Variants in DOCK9 observed in about 807,000 individuals in gnomAD.
DOCK9 encodes dedicator of cytokinesis 9.
DOCK9 carries 89 observed loss-of-function variants against 263.3 expected under a neutral mutation model. The ratio of observed to expected loss-of-function variants is 0.34; its 90% CI spans 0.28 to 0.40. The LOEUF is 0.40. Among genes scored for constraint, DOCK9 ranks in the 10% least tolerant of loss-of-function variants. DOCK9 has a pLI of 1.00. For synonymous variants in DOCK9, 976 were observed against 973.1 expected, an observed-to-expected ratio of 1.00 and a Z score of -0.06; for missense variants, 2,140 against 2,603.4, an observed-to-expected ratio of 0.82 and a Z score of 3.87.
chr13:98,946,250 G>A (rs1336425855), intron 2 of DOCK9, among the ~76,000 whole-genome samples: 4 of 152,162 alleles, frequency 2.6e-5, no homozygotes, highest in Non-Finnish European at 5.9e-5. Flanking sequence ...TGTTAGGACA[G>A]ACTGGAAGAG....
At chr13:98,855,638 C>T (rs140102110) in intron 34 of DOCK9, among the ~76,000 whole-genome samples, 53 of 152,160 alleles carry the variant, frequency 3.5e-4, no homozygotes, top group Admixed American at 9.2e-4. Context: ...AGTCCCTCCC[C>T]GTTCAACCCA....
intron 38 of DOCK9, among the ~76,000 whole-genome samples, chr13:98,844,865 A>G (rs2141322172): frequency 6.6e-6 from 1 of 152,362 alleles, no homozygotes; most frequent in Admixed American, 6.5e-5. Flanking sequence ...GTGAAAAATC[A>G]CAGCGAATGG....
At position 99,037,007 on chromosome 13, in the gene DOCK9, T is replaced by A. The variant is rs1302434365; in HGVS notation, c.129+49216A>T. Among the ~76,000 whole-genome samples the A allele has an allele frequency of 2.0e-5, 3 of 152,206 alleles. No homozygotes were observed. In the East Asian group the frequency reaches 5.8e-4, roughly 29 times the overall value. On this transcript the variant is annotated intron_variant, in intron 1 of 32. Transcript: ENST00000427887. Reference sequence around the variant, plus strand: ...GAATAAGATACAGTTTCTGCCCTCATAGAGCTCAGACTCTGATGGATTTTT... The same window carrying A: ...GAATAAGATACAGTTTCTGCCCTCAAAGAGCTCAGACTCTGATGGATTTTT...
At chr13:98,939,071 G>A (rs1167985319) in intron 2 of DOCK9, among the ~76,000 whole-genome samples, 2 of 152,354 alleles carry the variant, frequency 1.3e-5, no homozygotes, top group South Asian at 2.1e-4. Flanking sequence ...GGAAGAGATG[G>A]GGAGTACCCA....
At chr13:98,933,101 CT>C (rs2054227914) in intron 2 of DOCK9, among the ~76,000 whole-genome samples, 2 of 152,188 alleles carry the variant, frequency 1.3e-5, no homozygotes, top group Non-Finnish European at 2.9e-5. Flanking sequence ...TTATCTGGGT[CT>C]TTCAAGATTT....
intron 34 of DOCK9, among the ~76,000 whole-genome samples, chr13:98,855,201 TA>T (rs1284681621): frequency 6.6e-6 from 1 of 152,212 alleles, no homozygotes; most frequent in Non-Finnish European, 1.5e-5. Context: ...TATGATCAAT[TA>T]TTCTCTGGAG....
intron 1 of DOCK9, among the ~76,000 whole-genome samples, chr13:99,005,224 A>G (rs1346551706): frequency 6.6e-6 from 1 of 152,250 alleles, no homozygotes; most frequent in Non-Finnish European, 1.5e-5. Flanking sequence ...AAACAAACCT[A>G]CAAATATAAT....
chr13:98,977,666 G>GACA, intron 1 of DOCK9, 118 bp downstream of exon 1: 1 of 902,130 alleles, frequency 1.1e-6, no homozygotes, highest in African/African-American at 1.7e-5. Flanking sequence ...GTTCACAAGG[G>GACA]ACAAGCAGAG....
At chr13:99,006,986 G>A (rs552914199) in intron 1 of DOCK9, among the ~76,000 whole-genome samples, 141 of 152,292 alleles carry the variant, frequency 9.3e-4, no homozygotes, top group African/African-American at 2.5e-3. Context: ...CAATTACTCA[G>A]GAGGCTTAGG....
chr13:98,895,419 C>A (rs2047271320), intron 15 of DOCK9, among the ~76,000 whole-genome samples: 3 of 152,128 alleles, frequency 2.0e-5, no homozygotes. Flanking sequence ...GTAATCCCAG[C>A]ACTTTGGGAG....
In DOCK9 at chr13:98,946,634, C is replaced by T. The variant is rs148483163; in HGVS notation, c.243+8801G>A. Among the ~76,000 whole-genome samples, 14 of 152,334 alleles carry T rather than the reference C, an allele frequency of 9.2e-5. No homozygotes were observed. The East Asian group carries it at 2.3e-3, about 25-fold the overall frequency. ...CTCAGACCACATTATCCTATATCTT[C>T]GATCTCTTCTCCATGCCTGGGTTTC... On this transcript the variant is annotated intron_variant, in intron 2 of 52. Coordinates refer to ENST00000682017, the MANE Select transcript of DOCK9 (RefSeq NM_001366683.2).
chr13:98,848,746 C>T, intron 36 of DOCK9, 107 bp from the exon 37 acceptor site: 1 of 1,159,130 alleles, frequency 8.6e-7, no homozygotes, highest in Non-Finnish European at 1.2e-6. Flanking sequence ...ATGTCTAGTA[C>T]CAGCATAAGT....
intron 1 of DOCK9, among the ~76,000 whole-genome samples, chr13:99,064,018 G>A (rs2041310195): frequency 6.6e-6 from 1 of 152,146 alleles, no homozygotes; most frequent in African/African-American, 2.4e-5. Context: ...ACTAAGACCT[G>A]TAGATCTTCT....
rs560526052 is a variant in DOCK9 at position 98,937,860 on chromosome 13, T to C, written c.244-7603A>G. 1.5e-3 allele frequency among the ~76,000 whole-genome samples: 233 copies of C among 152,342 alleles called. 9 individuals are homozygous for C. The South Asian group carries it at 0.046, about 30-fold the overall frequency. ...TTTACTTAAAAAAAGAAAAGTTTTTTCCTCTTAGTTGAAATGATCTCCTCC... is the reference window on the plus strand; with the variant it reads ...TTTACTTAAAAAAAGAAAAGTTTTTCCCTCTTAGTTGAAATGATCTCCTCC... On this transcript the variant is annotated intron_variant, in intron 2 of 52. Coordinates refer to ENST00000682017, the MANE Select transcript of DOCK9 (RefSeq NM_001366683.2).
intron 2 of DOCK9, among the ~76,000 whole-genome samples, chr13:98,940,392 G>A (rs1418314147): frequency 6.6e-6 from 1 of 152,068 alleles, no homozygotes; most frequent in East Asian, 1.9e-4. Context: ...CATTACAAGG[G>A]CTGAGTTTTT....
chr13:99,084,726 T>C (rs1256204879), intron 1 of DOCK9, among the ~76,000 whole-genome samples: 3 of 152,194 alleles, frequency 2.0e-5, no homozygotes, highest in Non-Finnish European at 4.4e-5. Context: ...TACACTTTAT[T>C]TACTCTTCTT....
chr13:99,011,407 T>G (rs1884453814), intron 1 of DOCK9, among the ~76,000 whole-genome samples: 3 of 152,222 alleles, frequency 2.0e-5, no homozygotes, highest in South Asian at 4.1e-4. Flanking sequence ...GTCATATGTT[T>G]GGAAATAAGC....
At chr13:98,930,992 C>T (rs1271035090) in intron 2 of DOCK9, among the ~76,000 whole-genome samples, 1 of 152,142 alleles carries the variant, frequency 6.6e-6, no homozygotes, top group Non-Finnish European at 1.5e-5. Flanking sequence ...AGTACATTCA[C>T]ACAATTGTGC....
At chr13:98,971,084 T>TAG (rs769175558) in intron 1 of DOCK9, among the ~76,000 whole-genome samples, 3 of 152,208 alleles carry the variant, frequency 2.0e-5, no homozygotes, top group South Asian at 4.1e-4. Context: ...ATGCTAACAC[T>TAG]AGAGCTTGAG....
Sources: gnomAD v4.1 joint callset for allele counts (sites outside exome capture counted in the v4.1 genomes callset) on GRCh38, gnomAD v4.1.1 for gene constraint, MANE v1.5 for transcripts, NCBI Gene and HGNC (gene_info 2026-07-23, HGNC 2026-07-21) for gene names.